Variants in MARCHF1 observed in about 807,000 individuals in gnomAD.
MARCHF1 encodes E3 ubiquitin-protein ligase MARCHF1.
A neutral mutation model predicts 54.2 loss-of-function variants in MARCHF1; 40 were observed. The ratio of observed to expected loss-of-function variants is 0.74; its 90% CI spans 0.57 to 0.96. The LOEUF is 0.96. MARCHF1 is among the 40% of genes least tolerant of loss of function. The pLI, the probability that MARCHF1 is intolerant of heterozygous loss-of-function variation, is 0.00. For missense variants in MARCHF1, 586 were observed against 656.5 expected, an observed-to-expected ratio of 0.89 and a Z score of 1.17; for synonymous variants, 236 against 236.3, an observed-to-expected ratio of 1.00 and a Z score of 0.01.
chr4:164,325,840 C>T (rs1735266186), intron 1 of MARCHF1, among the ~76,000 whole-genome samples: 1 of 151,710 alleles, frequency 6.6e-6, no homozygotes, highest in South Asian at 2.1e-4. Context: ...GCAAAGATAC[C>T]ATACATGAAA....
chr4:164,055,893 T>A (rs929148791), intron 2 of MARCHF1, among the ~76,000 whole-genome samples: 1 of 152,230 alleles, frequency 6.6e-6, no homozygotes, highest in Non-Finnish European at 1.5e-5. Flanking sequence ...TTAGATCAAT[T>A]TATTCTTCTT....
chr4:163,831,484 G>A (rs4270549), intron 4 of MARCHF1, among the ~76,000 whole-genome samples: 121,083 of 152,098 alleles, frequency 0.8, 49,085 homozygotes, highest in South Asian at 0.9. Flanking sequence ...CCAGCTCCTC[G>A]GGAGTCTGAG....
intron 1 of MARCHF1, among the ~76,000 whole-genome samples, chr4:164,134,505 G>A (rs1756362179): frequency 6.6e-6 from 1 of 152,138 alleles, no homozygotes; most frequent in South Asian, 2.1e-4. Context: ...ACTCATTTAG[G>A]TTACTAAGAC....
chr4:164,138,220 GTTTT>G (rs937879945), intron 1 of MARCHF1, among the ~76,000 whole-genome samples: 1 of 144,650 alleles, frequency 6.9e-6, no homozygotes, highest in South Asian at 2.2e-4. Context: ...CATTACCTAG[GTTTT>G]TTTTTTCTTT....
chr4:164,206,769 A>G (rs942684074), intron 1 of MARCHF1, among the ~76,000 whole-genome samples: 1 of 152,114 alleles, frequency 6.6e-6, no homozygotes, highest in Non-Finnish European at 1.5e-5. Context: ...ACTCCTTTGA[A>G]GATTCCTTAT....
At chr4:163,983,004 A>G (rs1349282847) in intron 3 of MARCHF1, among the ~76,000 whole-genome samples, 1 of 152,220 alleles carries the variant, frequency 6.6e-6, no homozygotes, top group African/African-American at 2.4e-5. Flanking sequence ...ATCCCAAATC[A>G]CATGACTGAG....
At chr4:163,995,489 C>T (rs1337906234) in intron 2 of MARCHF1, among the ~76,000 whole-genome samples, 1 of 152,022 alleles carries the variant, frequency 6.6e-6, no homozygotes, top group South Asian at 2.1e-4. Context: ...CAACCATCTG[C>T]AATCCTGCTT....
chr4:164,007,368 A>AG (rs1560858977), intron 2 of MARCHF1, among the ~76,000 whole-genome samples: 4 of 149,424 alleles, frequency 2.7e-5, no homozygotes, highest in African/African-American at 9.8e-5. Context: ...AAAAAAAAAA[A>AG]AAAGAAAGAA....
At chr4:164,180,708 T>G (rs1053000857) in intron 1 of MARCHF1, among the ~76,000 whole-genome samples, 6 of 152,208 alleles carry the variant, frequency 3.9e-5, no homozygotes, top group Non-Finnish European at 8.8e-5. Flanking sequence ...GAGACATTTA[T>G]GTTAATAATC....
At chr4:164,001,005 T>C (rs910480463) in intron 2 of MARCHF1, among the ~76,000 whole-genome samples, 1 of 151,740 alleles carries the variant, frequency 6.6e-6, no homozygotes, top group African/African-American at 2.4e-5. Context: ...TATTAACAAA[T>C]GAATAAGAAA....
At chr4:164,251,939 TTTGA>T (rs1174544170) in intron 1 of MARCHF1, among the ~76,000 whole-genome samples, 1 of 152,272 alleles carries the variant, frequency 6.6e-6, no homozygotes, top group Non-Finnish European at 1.5e-5. Flanking sequence ...ATTATTTTTA[TTTGA>T]TTATTTAAGA....
chr4:163,928,323 C>T (rs1751582913), intron 3 of MARCHF1, among the ~76,000 whole-genome samples: 1 of 151,800 alleles, frequency 6.6e-6, no homozygotes, highest in South Asian at 2.1e-4. Flanking sequence ...GCTACCCTCC[C>T]AGTAGCTAGA....
intron 3 of MARCHF1, among the ~76,000 whole-genome samples, chr4:163,865,201 G>C (rs1336685653): frequency 6.6e-6 from 1 of 151,794 alleles, no homozygotes; most frequent in African/African-American, 2.4e-5. Context: ...GTATAAGAAG[G>C]GTAAAGAAAA....
chr4:163,974,892 C>T (rs1053793525), intron 3 of MARCHF1, among the ~76,000 whole-genome samples: 4 of 152,168 alleles, frequency 2.6e-5, no homozygotes, highest in African/African-American at 9.7e-5. Flanking sequence ...AGCAAATTCA[C>T]TTCACTAATA....
At chr4:163,709,259 TA>T (rs1386226626) in intron 4 of MARCHF1, among the ~76,000 whole-genome samples, 1 of 152,044 alleles carries the variant, frequency 6.6e-6, no homozygotes, top group Non-Finnish European at 1.5e-5. Flanking sequence ...GCTTTTTCTT[TA>T]AACAACTTTG....
intron 4 of MARCHF1, among the ~76,000 whole-genome samples, chr4:163,785,005 G>A (rs1000995281): frequency 3.9e-5 from 6 of 152,070 alleles, no homozygotes; most frequent in Non-Finnish European, 8.8e-5. Context: ...GTTCTCAACC[G>A]ATATTCTTTT....
intron 4 of MARCHF1, among the ~76,000 whole-genome samples, chr4:163,788,702 A>C (rs1054674869): frequency 3.3e-5 from 5 of 152,042 alleles, no homozygotes; most frequent in Non-Finnish European, 7.4e-5. Context: ...GCTATCAATA[A>C]GCGTATTACT....
chr4:163,611,382 G>A (rs558565997), intron 7 of MARCHF1, among the ~76,000 whole-genome samples: 8 of 152,108 alleles, frequency 5.3e-5, no homozygotes, highest in Admixed American at 3.9e-4. Context: ...TAATTCACAC[G>A]AACATGCATA....
At chr4:163,875,910 A>T (rs1357714568) in intron 3 of MARCHF1, among the ~76,000 whole-genome samples, 1 of 152,126 alleles carries the variant, frequency 6.6e-6, no homozygotes, top group Non-Finnish European at 1.5e-5. Context: ...ATACTTTTAA[A>T]ATGGAAGAAA....
Sources: gnomAD v4.1 joint callset for allele counts (sites outside exome capture counted in the v4.1 genomes callset) on GRCh38, gnomAD v4.1.1 for gene constraint, MANE v1.5 for transcripts, NCBI Gene and HGNC (gene_info 2026-07-23, HGNC 2026-07-21) for gene names.